The following PDE7B variants were observed in gnomAD, a reference collection of about 807,000 sequenced individuals.
The protein encoded by PDE7B is phosphodiesterase 7B.
In PDE7B, 29 loss-of-function variants were observed where a neutral mutation model predicts 56.2. The observed-to-expected ratio is 0.52, with a 90% CI of 0.38 to 0.70. The LOEUF is 0.70. Ranked by LOEUF, PDE7B falls within the 30% of genes least tolerant of loss-of-function variation. The pLI is 0.00. For missense variants in PDE7B, 490 were observed against 565.0 expected (o/e 0.87, Z 1.35); for synonymous variants, 197 against 196.9 (o/e 1.00, Z 0.00).
intron 2 of PDE7B, among the ~76,000 whole-genome samples, chr6:136,046,593 T>C (rs1314311909): frequency 2.0e-5 from 3 of 152,170 alleles, no homozygotes; most frequent in Non-Finnish European, 2.9e-5. Context: ...CAAATGTATG[T>C]TCATGTGCCA....
chr6:136,074,261 G>GT (rs533604565), intron 2 of PDE7B, among the ~76,000 whole-genome samples: 115 of 151,278 alleles, frequency 7.6e-4, no homozygotes, highest in African/African-American at 2.4e-3. Context: ...GGGATTTGGG[G>GT]TTTTTTTGTT....
At chr6:136,175,704 T>C (rs909775636) in intron 9 of PDE7B, among the ~76,000 whole-genome samples, 13 of 152,190 alleles carry the variant, frequency 8.5e-5, no homozygotes, top group Non-Finnish European at 1.6e-4. Flanking sequence ...TATGGCATTA[T>C]TGTATACCAC....
intron 2 of PDE7B, among the ~76,000 whole-genome samples, chr6:136,083,634 A>T (rs1279472255): frequency 6.6e-6 from 1 of 152,210 alleles, no homozygotes; most frequent in Non-Finnish European, 1.5e-5. Flanking sequence ...AATGGTTTGG[A>T]AAAGATATTT....
intron 2 of PDE7B, among the ~76,000 whole-genome samples, chr6:136,021,035 A>G (rs1776061496): frequency 6.6e-6 from 1 of 152,102 alleles, no homozygotes; most frequent in Non-Finnish European, 1.5e-5. Flanking sequence ...CTAGTTTCCT[A>G]AGGGTTGATT....
intron 1 of PDE7B, among the ~76,000 whole-genome samples, chr6:135,890,689 C>T (rs1235570511): frequency 6.6e-6 from 1 of 152,146 alleles, no homozygotes; most frequent in Non-Finnish European, 1.5e-5. Context: ...TCACTATAAA[C>T]TCACCTATTT....
At position 135,907,127 on chromosome 6, in the gene PDE7B, A is replaced by G. The variant is rs548471594; in HGVS notation, c.22-40337A>G. ...CTGCTGAAATCTCTGCTCAGCTCTCATTTGGCCTCCTAGCTACAGCTTTCT... is the reference window on the plus strand; with the variant it reads ...CTGCTGAAATCTCTGCTCAGCTCTCGTTTGGCCTCCTAGCTACAGCTTTCT... On this transcript the variant is annotated intron_variant, in intron 1 of 12. Transcript: ENST00000308191. Among the ~76,000 whole-genome samples, 11 of 152,216 alleles carry G rather than the reference A, an allele frequency of 7.2e-5. 1 individual carries two copies. In the South Asian group the frequency reaches 2.3e-3, roughly 32 times the overall value.
chr6:135,902,680 A>G (rs983537545), intron 1 of PDE7B, among the ~76,000 whole-genome samples: 1 of 152,140 alleles, frequency 6.6e-6, no homozygotes, highest in Non-Finnish European at 1.5e-5. Flanking sequence ...GATCTTGTAT[A>G]TCATTGGCTT....
intron 1 of PDE7B, among the ~76,000 whole-genome samples, chr6:135,854,778 GC>G (rs1367166539): frequency 2.0e-5 from 3 of 152,282 alleles, no homozygotes; most frequent in Middle Eastern, 3.4e-3. Flanking sequence ...TTATATATTA[GC>G]AGTCTTTAAT....
chr6:136,095,120 G>A (rs1403464771), intron 2 of PDE7B, among the ~76,000 whole-genome samples: 4 of 152,138 alleles, frequency 2.6e-5, no homozygotes, highest in Admixed American at 6.5e-5. Flanking sequence ...AAGCGTCTGA[G>A]AAATTCTACA....
chr6:136,131,311 G>T (rs1253982145), intron 3 of PDE7B, among the ~76,000 whole-genome samples: 5 of 152,034 alleles, frequency 3.3e-5, no homozygotes, highest in African/African-American at 1.2e-4. Context: ...TTTTCTAGAG[G>T]GAAGGTAAGA....
intron 1 of PDE7B, among the ~76,000 whole-genome samples, chr6:135,940,221 C>T (rs567045142): frequency 1.3e-5 from 2 of 152,266 alleles, no homozygotes; most frequent in South Asian, 4.2e-4. Flanking sequence ...TAGAGGAGTC[C>T]TCTCTTTTAC....
intron 2 of PDE7B, among the ~76,000 whole-genome samples, chr6:136,093,021 G>A (rs772297519): frequency 1.3e-5 from 2 of 152,114 alleles, no homozygotes; most frequent in Non-Finnish European, 2.9e-5. Context: ...ATTTCACAAG[G>A]TATACATTCA....
At chr6:136,075,455 AAC>A (rs1777113797) in intron 2 of PDE7B, among the ~76,000 whole-genome samples, 1 of 152,196 alleles carries the variant, frequency 6.6e-6, no homozygotes, top group Non-Finnish European at 1.5e-5. Context: ...CAATCGCTGG[AAC>A]ACACTCAGGA....
In PDE7B at chr6:136,151,273, C is replaced by T. The variant is rs1407580559; in HGVS notation, c.478+18C>T. On this transcript the variant is annotated intron_variant, in intron 6 of 12. Transcript: ENST00000308191. Reference sequence around the variant, plus strand: ...ATTTTTAGGTAAGTCCTTTTTTTCACATTTCTAGCCCCATTCTCTTGAATA... The same window carrying T: ...ATTTTTAGGTAAGTCCTTTTTTTCATATTTCTAGCCCCATTCTCTTGAATA... 2 of 1,260,476 alleles carry T rather than the reference C, an allele frequency of 1.6e-6. No homozygotes were observed. Among genetic ancestry groups the T allele is most frequent in the East Asian group, 4.6e-5 (2 of 43,248 alleles). The allele number at this position is 1,260,476 out of a possible 1,614,324, so 78.1% of individuals were successfully genotyped here.
chr6:136,117,313 ATC>A (rs1276326271), intron 3 of PDE7B: 1 of 152,216 alleles, frequency 6.6e-6, no homozygotes, highest in Non-Finnish European at 1.5e-5. Flanking sequence ...GGCAGAGCCT[ATC>A]TCTGTGACCT....
intron 2 of PDE7B, among the ~76,000 whole-genome samples, chr6:136,004,925 G>A (rs1331180179): frequency 6.6e-6 from 1 of 152,010 alleles, no homozygotes; most frequent in Non-Finnish European, 1.5e-5. Context: ...AACAAAGCTG[G>A]AGGCATCACG....
intron 2 of PDE7B, among the ~76,000 whole-genome samples, chr6:135,997,408 T>G (rs1775584417): frequency 1.8e-5 from 1 of 54,854 alleles, no homozygotes; most frequent in Non-Finnish European, 3.1e-5. Flanking sequence ...AATGAGACCC[T>G]GTCTCAAAAA....
At chr6:135,949,392 G>A (rs1186877545) in intron 2 of PDE7B, among the ~76,000 whole-genome samples, 1 of 152,048 alleles carries the variant, frequency 6.6e-6, no homozygotes, top group Admixed American at 6.6e-5. Flanking sequence ...TCTAGATTAT[G>A]TGGTATGGTT....
intron 1 of PDE7B, among the ~76,000 whole-genome samples, chr6:135,855,503 GTATT>G (rs1001691272): frequency 1.5e-4 from 23 of 152,102 alleles, no homozygotes; most frequent in African/African-American, 5.6e-4. Flanking sequence ...TTCTATTTAG[GTATT>G]TATTTTTATA....
Sources: gnomAD v4.1 joint callset for allele counts (sites outside exome capture counted in the v4.1 genomes callset) on GRCh38, gnomAD v4.1.1 for gene constraint, MANE v1.5 for transcripts, NCBI Gene and HGNC (gene_info 2026-07-23, HGNC 2026-07-21) for gene names.